The following SUPT3H variants were observed in gnomAD, a reference collection of about 807,000 sequenced individuals.
SUPT3H encodes SPT3 homolog, SAGA and STAGA complex component.
SUPT3H carries 44 observed loss-of-function variants against 44.3 expected under a neutral mutation model. The observed-to-expected ratio is 0.99, with a 90% CI of 0.78 to 1.28. SUPT3H has a LOEUF of 1.28. Ranked by LOEUF, SUPT3H falls within the 50% of genes most tolerant of loss-of-function variation. The pLI, the probability that SUPT3H is intolerant of heterozygous loss-of-function variation, is 0.00. For synonymous variants in SUPT3H, 124 were observed against 125.6 expected (o/e 0.99, Z 0.09); for missense variants, 380 against 387.1 (o/e 0.98, Z 0.15).
chr6:45,235,572 T>C (rs1768939562), intron 2 of SUPT3H, among the ~76,000 whole-genome samples: 1 of 152,176 alleles, frequency 6.6e-6, no homozygotes, highest in African/African-American at 2.4e-5. Context: ...TTGATTTACT[T>C]TACAAACACA....
chr6:45,259,527 T>G (rs1239307640), intron 2 of SUPT3H, among the ~76,000 whole-genome samples: 1 of 152,148 alleles, frequency 6.6e-6, no homozygotes, highest in Non-Finnish European at 1.5e-5. Context: ...TGGTTTACTC[T>G]ATATCTATTT....
intron 2 of SUPT3H, among the ~76,000 whole-genome samples, chr6:45,308,434 C>A (rs1296009072): frequency 6.6e-6 from 1 of 152,070 alleles, no homozygotes; most frequent in African/African-American, 2.4e-5. Context: ...AGAGTGGGGG[C>A]CAATATTCAA....
intron 10 of SUPT3H, among the ~76,000 whole-genome samples, chr6:44,849,473 C>T (rs543143989): frequency 9.9e-5 from 15 of 151,858 alleles, no homozygotes; most frequent in Non-Finnish European, 1.6e-4. Context: ...GTGATCCGCC[C>T]GCCTCGGCCT....
At chr6:44,890,645 C>G (rs1311328297) in intron 10 of SUPT3H, among the ~76,000 whole-genome samples, 1 of 143,656 alleles carries the variant, frequency 7.0e-6, no homozygotes, top group Non-Finnish European at 1.5e-5. Flanking sequence ...CATTAGGAGA[C>G]GTACCTAATG....
At chr6:45,005,470 T>C (rs1782579835) in intron 5 of SUPT3H, among the ~76,000 whole-genome samples, 1 of 152,142 alleles carries the variant, frequency 6.6e-6, no homozygotes, top group Admixed American at 6.6e-5. Context: ...CCAGGCGTGG[T>C]GGCTCACGCC....
At chr6:44,935,897 C>T (rs994621658) in intron 9 of SUPT3H, among the ~76,000 whole-genome samples, 5 of 152,182 alleles carry the variant, frequency 3.3e-5, no homozygotes, top group African/African-American at 1.2e-4. Context: ...TAAAAAAGTT[C>T]TTGGCAGGGT....
At chr6:45,245,418 AACTCCAC>A (rs1771165109) in intron 2 of SUPT3H, among the ~76,000 whole-genome samples, 1 of 152,038 alleles carries the variant, frequency 6.6e-6, no homozygotes, top group Non-Finnish European at 1.5e-5. Context: ...ACCAAGCTGA[AACTCCAC>A]ACCTATTAAT....
chr6:44,817,719 A>C (rs1167249073), intron 11 of SUPT3H, among the ~76,000 whole-genome samples: 1 of 152,288 alleles, frequency 6.6e-6, no homozygotes, highest in East Asian at 1.9e-4. Context: ...AAAATGAAAA[A>C]AATTTAAATA....
chr6:45,275,143 A>G (rs1776806706), intron 2 of SUPT3H, among the ~76,000 whole-genome samples: 1 of 152,108 alleles, frequency 6.6e-6, no homozygotes, highest in African/African-American at 2.4e-5. Context: ...TCTTGCAATT[A>G]CTGTTTTTTA....
intron 2 of SUPT3H, among the ~76,000 whole-genome samples, chr6:45,320,032 G>A (rs1785239629): frequency 6.6e-6 from 1 of 151,686 alleles, no homozygotes; most frequent in Non-Finnish European, 1.5e-5. Context: ...AGGACTTTAG[G>A]GTGACACAAT....
intron 3 of SUPT3H, among the ~76,000 whole-genome samples, chr6:45,074,828 T>A (rs78942941): frequency 6.6e-6 from 1 of 152,078 alleles, no homozygotes; most frequent in Non-Finnish European, 1.5e-5. Context: ...TACAAATATG[T>A]GTATTTACAG....
At chr6:44,971,818 GC>G (rs1413766220) in intron 6 of SUPT3H, among the ~76,000 whole-genome samples, 1 of 152,084 alleles carries the variant, frequency 6.6e-6, no homozygotes, top group Non-Finnish European at 1.5e-5. Context: ...TGTCGCCCAG[GC>G]TGGAGTGCAG....
intron 2 of SUPT3H, among the ~76,000 whole-genome samples, chr6:45,245,960 C>T (rs1771265401): frequency 6.6e-6 from 1 of 152,012 alleles, no homozygotes; most frequent in African/African-American, 2.4e-5. Context: ...TAATAAATAG[C>T]CTTTCTAATG....
intron 2 of SUPT3H, among the ~76,000 whole-genome samples, chr6:45,345,698 A>C (rs1041777157): frequency 1.3e-5 from 2 of 152,178 alleles, no homozygotes; most frequent in Non-Finnish European, 2.9e-5. Context: ...TTCCACAGCC[A>C]ACTCATTTTA....
intron 2 of SUPT3H, among the ~76,000 whole-genome samples, chr6:45,222,609 C>T (rs1399263840): frequency 6.6e-6 from 1 of 152,080 alleles, no homozygotes; most frequent in African/African-American, 2.4e-5. Flanking sequence ...TAAAATTGTA[C>T]AGATACTCTG....
intron 3 of SUPT3H, among the ~76,000 whole-genome samples, chr6:45,056,071 A>T (rs1791069912): frequency 6.6e-6 from 1 of 152,228 alleles, no homozygotes; most frequent in South Asian, 2.1e-4. Context: ...AACATATGAA[A>T]AAAATGTTCA....
rs1462990407 is a variant in SUPT3H at position 44,917,575 on chromosome 6, CAG to C, written c.912+15076_912+15077del. ...TGTCTAAACATGCAAATATGACTGA[CAG>C]ACTCTTGAGACAGCTTTCACCTTGG... is the stretch of plus-strand genomic sequence containing the variant. On this transcript the variant is annotated intron_variant, in intron 10 of 10. Coordinates refer to ENST00000371459, the MANE Select transcript of SUPT3H (RefSeq NM_003599.4). Among the ~76,000 whole-genome samples, 5 of 152,264 alleles carry C rather than the reference CAG, an allele frequency of 3.3e-5. No homozygotes were observed. The East Asian group carries it at 9.7e-4, about 29-fold the overall frequency.
chr6:44,984,303 T>G (rs1327735594), intron 6 of SUPT3H, among the ~76,000 whole-genome samples: 1 of 152,112 alleles, frequency 6.6e-6, no homozygotes, highest in African/African-American at 2.4e-5. Context: ...GAACTACTGG[T>G]GGCATGTAAC....
At chr6:45,324,491 T>C (rs1412969078) in intron 2 of SUPT3H, among the ~76,000 whole-genome samples, 3 of 151,576 alleles carry the variant, frequency 2.0e-5, no homozygotes, top group Non-Finnish European at 4.4e-5. Flanking sequence ...CTACTAGAAC[T>C]TAAGAATCTA....
Sources: allele counts gnomAD v4.1 joint callset (sites outside exome capture counted in the v4.1 genomes callset), GRCh38; gene constraint gnomAD v4.1.1; transcripts MANE v1.5; gene names NCBI Gene and HGNC (gene_info 2026-07-23, HGNC 2026-07-21).